Variants in POLR1B observed in about 807,000 individuals in gnomAD.
POLR1B encodes the protein DNA-directed RNA polymerase I subunit RPA2.
A neutral mutation model predicts 105.8 loss-of-function variants in POLR1B; 30 were observed. The ratio of observed to expected loss-of-function variants is 0.28; its 90% CI spans 0.21 to 0.38. POLR1B has a LOEUF of 0.38. Ranked by LOEUF, POLR1B falls within the 10% of genes least tolerant of loss-of-function variation. POLR1B has a pLI of 1.00. For synonymous variants in POLR1B, 485 were observed against 505.1 expected, an observed-to-expected ratio of 0.96 and a Z score of 0.53; for missense variants, 976 against 1,435.8, an observed-to-expected ratio of 0.68 and a Z score of 5.17.
At chr2:112,570,970 G>A (rs1281029890) in intron 12 of POLR1B, among the ~76,000 whole-genome samples, 1 of 151,904 alleles carries the variant, frequency 6.6e-6, no homozygotes, top group African/African-American at 2.4e-5. Flanking sequence ...AGTAGAGGCA[G>A]GGTTTTATCA....
In POLR1B at chr2:112,542,623, G is replaced by A. The variant is rs375042680; in HGVS notation, c.129G>A (p.Val43=). Reference sequence around the variant, plus strand: ...TGCAGGAGCTGACGCGGGCGCACGTGGAGTCCTTCAACTACGCTGTGCACG... The same window carrying A: ...TGCAGGAGCTGACGCGGGCGCACGTAGAGTCCTTCAACTACGCTGTGCACG... ...AALQELTRAH[V]ESFNYAVHEG... is the part of the protein sequence containing the mutation. Residue 43 remains valine, a synonymous_variant, in exon 1 of 15, where the codon GTG becomes GTA. Coordinates refer to ENST00000263331, the MANE Select transcript of POLR1B (RefSeq NM_019014.6). 28 of 1,614,100 alleles carry A rather than the reference G, an allele frequency of 1.7e-5. No individual in the cohort carries two copies. The African/African-American group carries it at 3.3e-4, about 19-fold the overall frequency.
In POLR1B at chr2:112,575,250, G is replaced by A; in HGVS notation, c.2929G>A (p.Glu977Lys). 3 of 1,614,184 alleles carry A rather than the reference G, an allele frequency of 1.9e-6. No individual in the cohort carries two copies. Among genetic ancestry groups the A allele is most frequent in the Non-Finnish European group, 2.5e-6 (3 of 1,180,030 alleles). ...KAAGYNFYGT[E>K]RLYSGISGLE... ...TGCTGGCTACAATTTCTATGGCACCGAGAGGTTATATAGTGGCATCAGTGG... is the reference window on the plus strand; with the variant it reads ...TGCTGGCTACAATTTCTATGGCACCAAGAGGTTATATAGTGGCATCAGTGG... The change falls in exon 15 of 15, where the codon GAG becomes AAG. Residue 977 changes from glutamate to lysine, a missense_variant. Around this residue, in one of 12 missense-constraint regions of POLR1B, gnomAD observed 40 missense variants for 49.6 expected, o/e 0.81. Coordinates refer to ENST00000263331, the MANE Select transcript of POLR1B (RefSeq NM_019014.6). The surrounding 1 kb of genome is among the most constrained non-coding windows in gnomAD (Gnocchi z 5.3).
At chr2:112,545,641 A>T in intron 1 of POLR1B, among the ~76,000 whole-genome samples, 4 of 120,460 alleles carry the variant, frequency 3.3e-5, no homozygotes, top group African/African-American at 3.1e-5. Flanking sequence ...TTTTAACTTC[A>T]TTCTGTTTTT....
At chr2:112,571,434 C>G (rs1684583054) in intron 12 of POLR1B, among the ~76,000 whole-genome samples, 1 of 152,000 alleles carries the variant, frequency 6.6e-6, no homozygotes. Flanking sequence ...TATGTCTTTC[C>G]TTCTTAATAC....
Position 112,551,801 on chromosome 2 carries a change from G to C in POLR1B, c.789G>C (p.Gln263His), listed in dbSNP as rs1245000940. 4.3e-6 allele frequency: 7 copies of C among 1,613,746 alleles called. No individual in the cohort carries two copies. The highest frequency in any genetic ancestry group is 3.3e-5 in the Admixed American group (2 of 59,958). ...LKALVSFSDY[Q>H]IFQELIKGKE... ...CACTTGTCAGCTTTTCTGATTATCA[G>C]ATCTTTCAGGAGCTCATCAAAGGAA... is the stretch of plus-strand genomic sequence containing the variant. The change falls in exon 6 of 15, where the codon CAG becomes CAC. Residue 263 changes from glutamine (Q) to histidine (H), a missense_variant. Gln to His is a conservative substitution (Grantham distance 24). Coordinates refer to ENST00000263331, the MANE Select transcript of POLR1B (RefSeq NM_019014.6).
At position 112,542,681 on chromosome 2, in the gene POLR1B, G is replaced by A; in HGVS notation, c.177+10G>A. 5 of 1,610,354 alleles carry A rather than the reference G, an allele frequency of 3.1e-6. No individual in the cohort carries two copies. The highest frequency in any genetic ancestry group is 4.2e-6 in the Non-Finnish European group (5 of 1,178,200). Reference sequence around the variant, plus strand: ...CGGCCTCGCGGTGCAGGTGAGCGCGGCGTCCGCCGGCGCCCTTGCCGCGGC... The same window carrying A: ...CGGCCTCGCGGTGCAGGTGAGCGCGACGTCCGCCGGCGCCCTTGCCGCGGC... On this transcript the variant is annotated intron_variant, in intron 1 of 14. Coordinates refer to ENST00000263331, the MANE Select transcript of POLR1B (RefSeq NM_019014.6).
chr2:112,558,193 T>C (rs1231972387), intron 8 of POLR1B, 112 bp downstream of exon 8: 11 of 802,048 alleles, frequency 1.4e-5, no homozygotes, highest in Non-Finnish European at 1.9e-5. Context: ...AAAGTAAATT[T>C]CTCATAACTA....
In POLR1B at chr2:112,566,687, T is replaced by A. The variant is rs115373405; in HGVS notation, c.1747-1280T>A. On this transcript the variant is annotated intron_variant, in intron 10 of 14. Transcript: ENST00000263331. Reference sequence around the variant, plus strand: ...GGAGTCATCACCATCTTCAGAACTTTCTCATCATCACAAATTGAAACTCTG... The same window carrying A: ...GGAGTCATCACCATCTTCAGAACTTACTCATCATCACAAATTGAAACTCTG... 1.8e-3 allele frequency among the ~76,000 whole-genome samples: 280 copies of A among 152,272 alleles called. 1 individual carries two copies. Among genetic ancestry groups the A allele is most frequent in the African/African-American group, 6.5e-3 (271 of 41,560 alleles).
At chr2:112,550,584 T>A (rs1004359932) in intron 4 of POLR1B, 1 of 405,106 alleles carries the variant, frequency 2.5e-6, no homozygotes, top group South Asian at 3.4e-5. Context: ...AAGGCAGATA[T>A]AAAGTGCTAA....
rs752347618 is a variant in POLR1B, at chr2:112,578,467, AC to A, written c.*2739del. 1.4e-4 allele frequency among the ~76,000 whole-genome samples: 22 copies of A among 152,222 alleles called. No homozygotes were observed. Among genetic ancestry groups the A allele is most frequent in the Non-Finnish European group, 2.6e-4 (18 of 68,042 alleles). ...CCTTTTCACTCCATTCCCTTGAGAT[AC>A]ATCCAGGTAGTTGCATGTATCAATA... On this transcript the variant is annotated 3_prime_UTR_variant, in exon 15 of 15. Transcript: ENST00000263331.
chr2:112,574,907 A>T lies in POLR1B; in HGVS notation c.2586A>T (p.Gly862=). The change falls in exon 15 of 15, where the codon GGA becomes GGT. Residue 862 remains glycine, a synonymous_variant. Coordinates refer to ENST00000263331, the MANE Select transcript of POLR1B (RefSeq NM_019014.6). ...TGTGCAGTAATGACACTGGGAGTGG[A>T]AAATTCAAGTGTGTTTGCATCACTA... ...IKVCSNDTGS[G]KFKCVCITMR... is the part of the protein sequence containing the mutation. The T allele has an allele frequency of 6.2e-7, 1 of 1,614,142 alleles. No individual in the cohort carries two copies. The highest frequency in any genetic ancestry group is 1.1e-5 in the South Asian group (1 of 91,082).
intron 13 of POLR1B, among the ~76,000 whole-genome samples, chr2:112,573,083 CTT>C (rs1558666261): frequency 6.6e-6 from 1 of 151,884 alleles, no homozygotes; most frequent in Non-Finnish European, 1.5e-5. Flanking sequence ...TTTTGTTTTT[CTT>C]GTTTTTTGTT....
At chr2:112,547,235 CG>C in intron 2 of POLR1B, 56 bp downstream of exon 2, 1 of 1,586,238 alleles carries the variant, frequency 6.3e-7, no homozygotes, top group Non-Finnish European at 8.6e-7. Flanking sequence ...GGGAGTAGGG[CG>C]GGTGCCTAAT....
At chr2:112,567,464 C>T (rs1481227274) in intron 10 of POLR1B, among the ~76,000 whole-genome samples, 1 of 152,110 alleles carries the variant, frequency 6.6e-6, no homozygotes, top group Admixed American at 6.6e-5. Flanking sequence ...ACTGCAGCCT[C>T]AACCTCCTGG....
chr2:112,557,688 C>T (rs1201449208), intron 7 of POLR1B, among the ~76,000 whole-genome samples: 4 of 152,110 alleles, frequency 2.6e-5, no homozygotes, highest in African/African-American at 7.2e-5. Context: ...GCGATCCTTC[C>T]GCCTCAGCCT....
rs1684450257 is a variant in POLR1B, at chr2:112,568,968, T to G, written c.2074+66T>G. The G allele has an allele frequency of 1.6e-5, 24 of 1,464,026 alleles. No homozygotes were observed. The South Asian group carries it at 3.1e-4, about 19-fold the overall frequency. 90.7% of individuals were successfully genotyped at this position (1,464,026 alleles called of 1,614,324 possible). On this transcript the variant is annotated intron_variant, in intron 12 of 14. Coordinates refer to ENST00000263331, the MANE Select transcript of POLR1B (RefSeq NM_019014.6). ...TAAACTTGATACTAGCACACTCTTT[T>G]ATTGTCCTTATTTACATATGCTGAC...
intron 10 of POLR1B, among the ~76,000 whole-genome samples, chr2:112,565,596 G>T (rs1229372497): frequency 1.3e-5 from 2 of 149,114 alleles, no homozygotes; most frequent in African/African-American, 5.0e-5. Flanking sequence ...GTCTCACTCT[G>T]TTGCCCAGGC....
rs1401690565 is a variant in POLR1B, at chr2:112,549,280, A to G, written c.506A>G (p.Tyr169Cys). 5.6e-6 allele frequency: 9 copies of G among 1,612,046 alleles called. No individual in the cohort carries two copies. Among genetic ancestry groups the G allele is most frequent in the Non-Finnish European group, 7.6e-6 (9 of 1,179,420 alleles). Residue 169 changes from tyrosine to cysteine, a missense_variant, in exon 4 of 15, where the codon TAT (tyrosine) becomes TGT (cysteine). Physicochemically the swap from Tyr to Cys is radical, Grantham distance 194. Coordinates refer to ENST00000263331, the MANE Select transcript of POLR1B (RefSeq NM_019014.6). ...TCTTTTTGGCAGGAAATGGGGGGCTATTTTATAATCAATGGCATTGAAAAA... is the reference window on the plus strand; with the variant it reads ...TCTTTTTGGCAGGAAATGGGGGGCTGTTTTATAATCAATGGCATTGAAAAA... ...HHEEAEEMGG[Y>C]FIINGIEKVI...
rs889726296 is a variant in POLR1B, at chr2:112,563,571, C to T, written c.1613-795C>T. On this transcript the variant is annotated intron_variant, in intron 9 of 14. Coordinates refer to ENST00000263331, the MANE Select transcript of POLR1B (RefSeq NM_019014.6). ...TTTATTGTCATTTCAACAATGTTTA[C>T]AGCATCTTCTCATTTCTTGAGATCC... 8.5e-5 allele frequency among the ~76,000 whole-genome samples: 13 copies of T among 152,258 alleles called. No individual in the cohort carries two copies. The East Asian group carries it at 2.5e-3, about 29-fold the overall frequency.
Sources: allele counts gnomAD v4.1 joint callset (sites outside exome capture counted in the v4.1 genomes callset), GRCh38; gene constraint gnomAD v4.1.1; regional missense constraint gnomAD v4.1.1; non-coding constraint Gnocchi (gnomAD v3.1); transcripts MANE v1.5; gene names NCBI Gene and HGNC (gene_info 2026-07-23, HGNC 2026-07-21).